Variants in MCMBP observed in about 807,000 individuals in gnomAD.
MCMBP encodes the protein mini-chromosome maintenance complex-binding protein.
In MCMBP, 31 loss-of-function variants were observed where a neutral mutation model predicts 81.3. That is an observed-to-expected ratio of 0.38 (90% CI 0.29 to 0.51). The LOEUF (loss-of-function observed/expected upper bound fraction) is 0.51. Among genes scored for constraint, MCMBP ranks in the 20% least tolerant of loss-of-function variants. The pLI is 0.87. For missense variants in MCMBP, 645 were observed against 772.1 expected (o/e 0.84, Z 1.95); for synonymous variants, 267 against 275.9 (o/e 0.97, Z 0.32).
intron 9 of MCMBP, chr10:119,842,896 G>GGT: frequency 2.7e-6 from 1 of 372,806 alleles, no homozygotes. Flanking sequence ...TGGGATTACA[G>GGT]GCACACGCCA....
chr10:119,866,090 T>C (rs890609502), intron 1 of MCMBP, among the ~76,000 whole-genome samples: 3 of 135,830 alleles, frequency 2.2e-5, no homozygotes, highest in Non-Finnish European at 4.7e-5. Flanking sequence ...GCTCTATCTC[T>C]TAAAAAAAAA....
At position 119,859,217 on chromosome 10, in the gene MCMBP, T is replaced by C. The variant is rs1157551290; in HGVS notation, c.145-36A>G. ...AATAATCAAGTCAGTCAACTAAATA[T>C]CCTGTCTATACAACATTAAGCATAT... is the stretch of plus-strand genomic sequence containing the variant. On this transcript the variant is annotated intron_variant, in intron 2 of 15. Transcript: ENST00000369077. 4 of 1,600,902 alleles carry C rather than the reference T, an allele frequency of 2.5e-6. No individual in the cohort carries two copies. The Admixed American group carries it at 6.8e-5, about 27-fold the overall frequency.
chr10:119,856,902 A>G (rs1259195343), intron 5 of MCMBP, among the ~76,000 whole-genome samples: 1 of 151,822 alleles, frequency 6.6e-6, no homozygotes, highest in Admixed American at 6.6e-5. Context: ...GGAGTTCAAG[A>G]CCAGCTTGGG....
At chr10:119,831,893 G>T (rs1157243406) in intron 15 of MCMBP, 119 bp downstream of exon 15, 1 of 1,070,934 alleles carries the variant, frequency 9.3e-7, no homozygotes, top group East Asian at 2.4e-5. Flanking sequence ...TTCATACAGC[G>T]TTTTTAAAAG....
chr10:119,832,187 C>A, intron 14 of MCMBP, 87 bp from the exon 15 acceptor site: 1 of 1,168,564 alleles, frequency 8.6e-7, no homozygotes, highest in South Asian at 1.5e-5. Context: ...TAGTAAGGTG[C>A]ATGTCAGCCT....
chr10:119,867,764 C>CA (rs1361370301), intron 1 of MCMBP, among the ~76,000 whole-genome samples: 5 of 152,172 alleles, frequency 3.3e-5, no homozygotes, highest in African/African-American at 1.2e-4. Flanking sequence ...TGATTCCACT[C>CA]AGTCTCTTCG....
chr10:119,867,774 G>C (rs140918093), intron 1 of MCMBP, among the ~76,000 whole-genome samples: 1 of 152,066 alleles, frequency 6.6e-6, no homozygotes, highest in Non-Finnish European at 1.5e-5. Flanking sequence ...CAGTCTCTTC[G>C]AATACCCAAC....
intron 1 of MCMBP, among the ~76,000 whole-genome samples, chr10:119,860,798 A>C (rs1853228972): frequency 6.6e-6 from 1 of 152,232 alleles, no homozygotes; most frequent in Non-Finnish European, 1.5e-5. Context: ...CCAATCAAGT[A>C]TAACCGAACT....
At position 119,832,006 on chromosome 10, in the gene MCMBP, A is replaced by T; in HGVS notation, c.1796+6T>A. On this transcript the variant is annotated splice_donor_region_variant and intron_variant, in intron 15 of 15. Transcript: ENST00000369077. The stretch of plus-strand genomic sequence containing the variant: ...GAAACAGCAATAATGGACGTGCGCC[A>T]CTTACCGAGCCACCACGAGCAGCTG... 1.2e-6 allele frequency: 2 copies of T among 1,607,908 alleles called. No individual in the cohort carries two copies. The highest frequency in any genetic ancestry group is 1.7e-6 in the Non-Finnish European group (2 of 1,177,732).
chr10:119,865,345 A>G (rs1475670096), intron 1 of MCMBP, among the ~76,000 whole-genome samples: 1 of 152,196 alleles, frequency 6.6e-6, no homozygotes, highest in East Asian at 1.9e-4. Flanking sequence ...TAATCCCAGC[A>G]CTTAGGGAGG....
Position 119,842,456 on chromosome 10 carries a change from AG to A in MCMBP, c.1124+15del. 7 of 1,601,880 alleles carry A rather than the reference AG, an allele frequency of 4.4e-6. No individual in the cohort carries two copies. Among genetic ancestry groups the A allele is most frequent in the Non-Finnish European group, 6.0e-6 (7 of 1,175,804 alleles). On this transcript the variant is annotated intron_variant, in intron 10 of 15. Transcript: ENST00000369077. The stretch of plus-strand genomic sequence containing the variant: ...ACACCAAACTCCCCTAATTCCCACC[AG>A]GATACAGCACTTACACTGTGGAGAT...
chr10:119,831,590 G>GAGAC lies in MCMBP; in HGVS notation c.1803_1806dup (p.Leu603ValfsTer38). 6.2e-7 allele frequency: 1 copy of GAGAC among 1,613,566 alleles called. No homozygotes were observed. The highest frequency in any genetic ancestry group is 1.1e-5 in the South Asian group (1 of 90,924). On this transcript the variant is annotated frameshift_variant, in exon 16 of 16. Coordinates refer to ENST00000369077, the MANE Select transcript of MCMBP (RefSeq NM_001256378.2). LOFTEE classifies it high-confidence loss of function. The stretch of plus-strand genomic sequence containing the variant: ...GACAGCGTTGTCTGACCAGCACTGA[G>GAGAC]AGACAGACACCTGGTTTGAAACACA...
chr10:119,840,138 C>T (rs534739572), intron 11 of MCMBP, among the ~76,000 whole-genome samples: 4 of 152,166 alleles, frequency 2.6e-5, no homozygotes, highest in East Asian at 1.9e-4. Context: ...ATAATCATAA[C>T]GTGAAAAACA....
At chr10:119,847,153 C>G (rs1316829158) in intron 8 of MCMBP, among the ~76,000 whole-genome samples, 3 of 151,972 alleles carry the variant, frequency 2.0e-5, no homozygotes, top group Non-Finnish European at 4.4e-5. Flanking sequence ...GAACTGGAAT[C>G]AGAAATACAG....
chr10:119,839,778 C>T (rs1232306095), intron 11 of MCMBP, among the ~76,000 whole-genome samples: 1 of 152,212 alleles, frequency 6.6e-6, no homozygotes, highest in Non-Finnish European at 1.5e-5. Flanking sequence ...CTCATGTGGA[C>T]AGTTTTGGTC....
chr10:119,841,483 C>T (rs963798924), intron 10 of MCMBP, among the ~76,000 whole-genome samples: 17 of 152,226 alleles, frequency 1.1e-4, no homozygotes, highest in African/African-American at 4.1e-4. Context: ...TATGGTACAA[C>T]TGCATAGTGA....
At chr10:119,842,430 C>T in intron 10 of MCMBP, 42 bp downstream of exon 10, 1 of 1,580,440 alleles carries the variant, frequency 6.3e-7, no homozygotes, top group Non-Finnish European at 8.6e-7. Context: ...CACTTCCACA[C>T]ACACCAAACT....
intron 5 of MCMBP, among the ~76,000 whole-genome samples, chr10:119,855,017 G>A (rs752098231): frequency 5.3e-5 from 8 of 151,254 alleles, no homozygotes; most frequent in Non-Finnish European, 1.2e-4. Context: ...AGGAAATGAT[G>A]CCAAATATAA....
Position 119,858,858 on chromosome 10 carries a change from G to A in MCMBP, c.327+26C>T, listed in dbSNP as rs755240317. The A allele has an allele frequency of 9.2e-6, 14 of 1,525,750 alleles. No homozygotes were observed. In the South Asian group the frequency reaches 1.3e-4, roughly 15 times the overall value. The allele number at this position is 1,525,750 out of a possible 1,614,324, so 94.5% of individuals were successfully genotyped here. Reference sequence around the variant, plus strand: ...TTAGGAAAAAATTCTTACTAAAAATGTTTCATATATATTAAAGATACATAC... The same window carrying A: ...TTAGGAAAAAATTCTTACTAAAAATATTTCATATATATTAAAGATACATAC... On this transcript the variant is annotated intron_variant, in intron 4 of 15. Coordinates refer to ENST00000369077, the MANE Select transcript of MCMBP (RefSeq NM_001256378.2).
Sources: allele counts gnomAD v4.1 joint callset (sites outside exome capture counted in the v4.1 genomes callset), GRCh38; gene constraint gnomAD v4.1.1; transcripts MANE v1.5; gene names NCBI Gene and HGNC (gene_info 2026-07-23, HGNC 2026-07-21).